TP63: variants seen among roughly 807,000 people sequenced by gnomAD.
TP63 encodes the protein tumor protein 63.
A neutral mutation model predicts 82.8 loss-of-function variants in TP63; 17 were observed. The observed-to-expected ratio is 0.21, with a 90% CI of 0.14 to 0.31. The LOEUF (loss-of-function observed/expected upper bound fraction) is 0.31, where lower values mean the gene tolerates loss of function less well. Ranked by LOEUF, TP63 falls within the 10% of genes least tolerant of loss-of-function variation. TP63 has a pLI of 1.00. For missense variants in TP63, 648 were observed against 895.3 expected, an observed-to-expected ratio of 0.72 and a Z score of 3.52; for synonymous variants, 330 against 321.7, an observed-to-expected ratio of 1.03 and a Z score of -0.28.
chr3:189,618,046 G>T, the TP63 span, among the ~76,000 whole-genome samples: 1 of 152,310 alleles, frequency 6.6e-6, no homozygotes, highest in South Asian at 2.1e-4. Flanking sequence ...TGCATAATGT[G>T]CAGCATCCAG....
rs537554819 is a variant in TP63 at position 189,695,324 on chromosome 3, C to T, written c.63-42416C>T. On this transcript the variant is annotated intron_variant, in intron 1 of 13. Coordinates refer to ENST00000264731, the MANE Select transcript of TP63 (RefSeq NM_003722.5). ...TTAGTTCCTGTGTCCCTTTGATATA[C>T]TCATATTATTTTGAGCATGGTTTTA... is the stretch of plus-strand genomic sequence containing the variant. Among the ~76,000 whole-genome samples the T allele has an allele frequency of 4.6e-5, 7 of 152,086 alleles. No individual in the cohort carries two copies. In the South Asian group the frequency reaches 1.2e-3, roughly 27 times the overall value.
chr3:189,855,172 G>A (rs114886308), intron 4 of TP63, among the ~76,000 whole-genome samples: 89 of 152,226 alleles, frequency 5.8e-4, no homozygotes, highest in Non-Finnish European at 1.1e-3. Flanking sequence ...AAACTGATAC[G>A]AGCAGAAGAA....
the TP63 span, among the ~76,000 whole-genome samples, chr3:189,624,643 A>C: frequency 6.6e-6 from 1 of 152,176 alleles, no homozygotes; most frequent in Non-Finnish European, 1.5e-5. Context: ...TCTCATCATA[A>C]ATAAGCATAT....
At chr3:189,732,803 G>A (rs949367474) in intron 1 of TP63, among the ~76,000 whole-genome samples, 3 of 140,572 alleles carry the variant, frequency 2.1e-5, no homozygotes, top group African/African-American at 9.8e-5. Flanking sequence ...ATACAGAGCT[G>A]AGAGAGAGAT....
intron 1 of TP63, among the ~76,000 whole-genome samples, chr3:189,694,615 G>A (rs1230402973): frequency 6.6e-6 from 1 of 151,766 alleles, no homozygotes; most frequent in Non-Finnish European, 1.5e-5. Context: ...CAGGTAAAGT[G>A]CCATTTTCAA....
chr3:189,689,610 A>G, intron 1 of TP63, among the ~76,000 whole-genome samples: 1 of 152,090 alleles, frequency 6.6e-6, no homozygotes, highest in East Asian at 1.9e-4. Flanking sequence ...GTGTGCAAAT[A>G]TGTTCATTTT....
At chr3:189,668,251 T>C (rs1428810809) in intron 1 of TP63, among the ~76,000 whole-genome samples, 4 of 152,140 alleles carry the variant, frequency 2.6e-5, no homozygotes, top group African/African-American at 7.2e-5. Flanking sequence ...AAATCCAGTT[T>C]ATCTAAATTA....
chr3:189,839,010 G>C (rs1287252341), intron 4 of TP63, among the ~76,000 whole-genome samples: 1 of 132,096 alleles, frequency 7.6e-6, no homozygotes, highest in Non-Finnish European at 1.5e-5. Context: ...CACTTTTAAG[G>C]TGCACTAAAA....
chr3:189,714,345 G>T (rs958516109), intron 1 of TP63, among the ~76,000 whole-genome samples: 2 of 152,166 alleles, frequency 1.3e-5, no homozygotes, highest in African/African-American at 4.8e-5. Flanking sequence ...TGAGGTTTTA[G>T]CAATCGCTCC....
intron 1 of TP63, among the ~76,000 whole-genome samples, chr3:189,696,755 G>A (rs557296413): frequency 6.6e-6 from 1 of 152,138 alleles, no homozygotes; most frequent in African/African-American, 2.4e-5. Flanking sequence ...AGTATATTGA[G>A]ATGTCTCATT....
chr3:189,791,139 C>A lies in TP63; in HGVS notation c.325-17133C>A, dbSNP rs573693225. 7.2e-5 allele frequency among the ~76,000 whole-genome samples: 11 copies of A among 152,112 alleles called. 1 individual carries two copies. The highest frequency in any genetic ancestry group is 1.5e-4 in the Non-Finnish European group (10 of 67,998). On this transcript the variant is annotated intron_variant, in intron 3 of 13. Coordinates refer to ENST00000264731, the MANE Select transcript of TP63 (RefSeq NM_003722.5). ...ATTAGCTTTTAAGATCTTCTTGATT[C>A]TATTGGATCCAATTTTGTCCAGTTT...
rs561777728 is a variant in TP63, at chr3:189,648,041, G to A, written c.62+16464G>A. Among the ~76,000 whole-genome samples the A allele has an allele frequency of 4.7e-3, 690 of 147,238 alleles. 52 individuals carry two copies. The highest frequency in any genetic ancestry group is 0.014 in the South Asian group (65 of 4,512). On this transcript the variant is annotated intron_variant, in intron 1 of 13. Coordinates refer to ENST00000264731, the MANE Select transcript of TP63 (RefSeq NM_003722.5). ...TTACAGTAATGTTTTTTAAAGATAT[G>A]TTATTACAACTGGTTACTCCAGTAG...
chr3:189,763,227 C>T (rs1196158825), intron 3 of TP63, among the ~76,000 whole-genome samples: 1 of 152,176 alleles, frequency 6.6e-6, no homozygotes, highest in Admixed American at 6.5e-5. Context: ...TGATCCGTGA[C>T]TGTGCCACTG....
chr3:189,704,590 T>C (rs1330618087), intron 1 of TP63, among the ~76,000 whole-genome samples: 1 of 152,234 alleles, frequency 6.6e-6, no homozygotes, highest in Non-Finnish European at 1.5e-5. Context: ...TTAATGTCTG[T>C]CTCGTGACTA....
intron 3 of TP63, among the ~76,000 whole-genome samples, chr3:189,800,527 A>G (rs1471296745): frequency 6.6e-6 from 1 of 151,840 alleles, no homozygotes; most frequent in African/African-American, 2.4e-5. Context: ...GCTTTTCTTG[A>G]TTGTAACTTT....
chr3:189,811,248 A>G (rs1052082923), intron 4 of TP63, among the ~76,000 whole-genome samples: 1 of 152,234 alleles, frequency 6.6e-6, no homozygotes, highest in Non-Finnish European at 1.5e-5. Context: ...AGGTGAGATG[A>G]TAGTATTAAT....
chr3:189,620,282 T>C, the TP63 span, among the ~76,000 whole-genome samples: 15 of 152,024 alleles, frequency 9.9e-5, no homozygotes, highest in Non-Finnish European at 1.9e-4. Flanking sequence ...CCCAGCACTT[T>C]GGGAGGCCAA....
intron 3 of TP63, among the ~76,000 whole-genome samples, chr3:189,756,455 G>A (rs1722197972): frequency 6.6e-6 from 1 of 152,168 alleles, no homozygotes; most frequent in Non-Finnish European, 1.5e-5. Context: ...AGAGTGCCAA[G>A]TCGGGGACTT....
chr3:189,603,566 G>C, the TP63 span, among the ~76,000 whole-genome samples: 1 of 146,588 alleles, frequency 6.8e-6, no homozygotes, highest in South Asian at 2.2e-4. Flanking sequence ...CTTTTCCCTT[G>C]CCAGGAACTA....
Sources: allele counts gnomAD v4.1 joint callset (sites outside exome capture counted in the v4.1 genomes callset), GRCh38; gene constraint gnomAD v4.1.1; transcripts MANE v1.5; gene names NCBI Gene and HGNC (gene_info 2026-07-23, HGNC 2026-07-21).